PROM1: variants seen among roughly 807,000 people sequenced by gnomAD.
PROM1 encodes prominin-1.
PROM1 carries 105 observed loss-of-function variants against 116.9 expected under a neutral mutation model. The ratio of observed to expected loss-of-function variants is 0.90; its 90% CI spans 0.77 to 1.06. PROM1 has a LOEUF of 1.06. PROM1 is among the 50% of genes least tolerant of loss of function. The probability of loss-of-function intolerance (pLI) is 0.00; values close to 1 mark genes in which losing one functional copy is unlikely to be tolerated. For synonymous variants in PROM1, 393 were observed against 387.0 expected, an observed-to-expected ratio of 1.02 and a Z score of -0.18; for missense variants, 1,122 against 1,045.2, an observed-to-expected ratio of 1.07 and a Z score of -1.01.
Position 16,033,359 on chromosome 4 carries a change from G to T in PROM1, c.454C>A (p.Pro152Thr). Residue 152 changes from proline (P) to threonine (T), a missense_variant, in exon 5 of 28, where the codon CCC (proline) becomes ACC (threonine). By Grantham distance (38) the Pro-to-Thr change is conservative (BLOSUM62 -1). Transcript: ENST00000447510. Reference sequence around the variant, plus strand: ...ATTGCAAAGCATTTCCTCAGGAAGGGCCCATTTTCCTTCTGTCGCTGGTGC... The same window carrying T: ...ATTGCAAAGCATTTCCTCAGGAAGGTCCCATTTTCCTTCTGTCGCTGGTGC... Reference protein sequence around the residue: ...EMHQRQKENGPFLRKCFAISL... With the variant: ...EMHQRQKENGTFLRKCFAISL... 6.2e-7 allele frequency: 1 copy of T among 1,613,734 alleles called. No homozygotes were observed. The highest frequency in any genetic ancestry group is 1.6e-4 in the Middle Eastern group (1 of 6,062).
At chr4:16,074,263 A>C (rs1257342209) in intron 2 of PROM1, among the ~76,000 whole-genome samples, 1 of 152,168 alleles carries the variant, frequency 6.6e-6, no homozygotes, top group African/African-American at 2.4e-5. Context: ...GGAGATAGAT[A>C]CACCATTTTA....
At chr4:16,013,466 A>C in intron 10 of PROM1, 128 bp from the exon 11 acceptor site, 2 of 661,196 alleles carry the variant, frequency 3.0e-6, no homozygotes, top group Non-Finnish European at 5.4e-6. Flanking sequence ...TTAAGGGTGA[A>C]ATGATCATTA....
At position 15,980,315 on chromosome 4, in the gene PROM1, A is replaced by C. The variant is rs1402934476; in HGVS notation, c.2489+107T>G. On this transcript the variant is annotated intron_variant, in intron 24 of 27. Coordinates refer to ENST00000447510, the MANE Select transcript of PROM1 (RefSeq NM_006017.3). ...ACCCAACTACTACTAAAAAAAAAAA[A>C]AAAAAGAAATCAACTTTAACCTCAT... 2.0e-4 allele frequency: 174 copies of C among 877,318 alleles called. 1 individual carries two copies. The East Asian group carries it at 4.5e-3, about 23-fold the overall frequency. The allele number at this position is 877,318 out of a possible 1,614,324, so 54.3% of individuals were successfully genotyped here. A position where few individuals can be genotyped will look rare whatever the true frequency, so the allele number is the denominator to read the frequency against.
intron 2 of PROM1, among the ~76,000 whole-genome samples, chr4:16,043,222 C>A (rs1735746587): frequency 6.6e-6 from 1 of 152,184 alleles, no homozygotes; most frequent in South Asian, 2.1e-4. Context: ...TCCACCCAAC[C>A]CCTATAACTT....
At chr4:16,077,313 C>T (rs1325086694) in intron 1 of PROM1, among the ~76,000 whole-genome samples, 1 of 152,180 alleles carries the variant, frequency 6.6e-6, no homozygotes, top group African/African-American at 2.4e-5. Context: ...TATGGGTATG[C>T]ATATCTAAAG....
At chr4:16,012,598 C>CG (rs1293188206) in intron 11 of PROM1, among the ~76,000 whole-genome samples, 3 of 152,028 alleles carry the variant, frequency 2.0e-5, no homozygotes, top group African/African-American at 7.2e-5. Flanking sequence ...TGGCCAGGCA[C>CG]GGTGGCTCAC....
rs542320990 is a variant in PROM1, at chr4:16,049,100, A to T, written c.221-10099T>A. 2.0e-5 allele frequency among the ~76,000 whole-genome samples: 3 copies of T among 152,298 alleles called. No individual in the cohort carries two copies. In the South Asian group the frequency reaches 6.2e-4, roughly 32 times the overall value. On this transcript the variant is annotated intron_variant, in intron 2 of 27. Coordinates refer to ENST00000447510, the MANE Select transcript of PROM1 (RefSeq NM_006017.3). ...GCTGCCGCCCCTGGAGAATCCAGAG[A>T]GTGGGGGTTAAGGACCACTGCCAAA...
At chr4:15,998,917 A>G (rs2149173642) in intron 14 of PROM1, among the ~76,000 whole-genome samples, 1 of 152,140 alleles carries the variant, frequency 6.6e-6, no homozygotes. Flanking sequence ...TCTAGTAGAA[A>G]CAGCATTTCA....
At chr4:16,005,612 C>T (rs1725271767) in intron 13 of PROM1, among the ~76,000 whole-genome samples, 2 of 151,826 alleles carry the variant, frequency 1.3e-5, no homozygotes, top group South Asian at 4.2e-4. Flanking sequence ...ATCTGCTCTC[C>T]AGCCCGCTCA....
At chr4:16,025,342 C>A in intron 5 of PROM1, 30 bp from the exon 6 acceptor site, 1 of 1,611,850 alleles carries the variant, frequency 6.2e-7, no homozygotes, top group South Asian at 1.1e-5. Flanking sequence ...GAAGAAAGAG[C>A]ATTTACTGTG....
At chr4:16,070,932 T>C (rs1742665734) in intron 2 of PROM1, among the ~76,000 whole-genome samples, 1 of 152,206 alleles carries the variant, frequency 6.6e-6, no homozygotes, top group Non-Finnish European at 1.5e-5. Context: ...CCTACATCAA[T>C]CGTGGCATCA....
At chr4:16,079,298 T>C (rs1039490198) in intron 1 of PROM1, 4 of 152,134 alleles carry the variant, frequency 2.6e-5, no homozygotes, top group African/African-American at 7.2e-5. Context: ...AAATTCCCAG[T>C]GAAGTGAAAC....
chr4:16,050,742 TAA>T (rs1184120952), intron 2 of PROM1, among the ~76,000 whole-genome samples: 1 of 152,226 alleles, frequency 6.6e-6, no homozygotes, highest in East Asian at 1.9e-4. Context: ...GAAGTTAATA[TAA>T]GTTTATTCTG....
intron 10 of PROM1, among the ~76,000 whole-genome samples, chr4:16,015,330 C>T (rs71603306): frequency 0.046 from 4,589 of 98,824 alleles, 119 homozygotes; most frequent in Middle Eastern, 0.065. Flanking sequence ...TGGGCAACAG[C>T]GCAAGACTCC....
In PROM1 at chr4:16,006,571, C is replaced by G. The variant is rs1181441390; in HGVS notation, c.1421G>C (p.Cys474Ser). 1 of 1,601,280 alleles carries G rather than the reference C, an allele frequency of 6.2e-7. No individual in the cohort carries two copies. Among genetic ancestry groups the G allele is most frequent in the Non-Finnish European group, 8.5e-7 (1 of 1,174,376 alleles). The change falls in exon 13 of 28, where the codon TGT becomes TCT. Residue 474 changes from cysteine (C) to serine (S), a missense_variant. Coordinates refer to ENST00000447510, the MANE Select transcript of PROM1 (RefSeq NM_006017.3). ...GAAGACGCCTCCGGTGTTGGAGACACAGCCTCGGGTGGTCGGGGTGGCATG... is the reference window on the plus strand; with the variant it reads ...GAAGACGCCTCCGGTGTTGGAGACAGAGCCTCGGGTGGTCGGGGTGGCATG... ...DRHATPTTRG[C>S]VSNTGGVFLM...
At chr4:16,079,021 G>C (rs1398810958) in intron 1 of PROM1, among the ~76,000 whole-genome samples, 2 of 152,016 alleles carry the variant, frequency 1.3e-5, no homozygotes, top group African/African-American at 2.4e-5. Context: ...CTTGACCCTG[G>C]TGTTTCCAAA....
intron 1 of PROM1, 65 bp from the exon 2 acceptor site, chr4:16,076,183 C>T (rs1743914637): frequency 4.1e-6 from 2 of 488,174 alleles, no homozygotes; most frequent in Admixed American, 3.7e-5. Context: ...CTGGAGCTGC[C>T]CGGAGAGGAC....
intron 13 of PROM1, among the ~76,000 whole-genome samples, chr4:16,001,378 C>T (rs765449169): frequency 1.3e-5 from 2 of 152,014 alleles, no homozygotes; most frequent in Admixed American, 6.6e-5. Flanking sequence ...ATCTGGGTTT[C>T]GGATGTACCT....
chr4:16,063,388 G>T (rs925306244), intron 2 of PROM1, among the ~76,000 whole-genome samples: 1 of 152,176 alleles, frequency 6.6e-6, no homozygotes, highest in Admixed American at 6.5e-5. Flanking sequence ...TTGAGGTCAG[G>T]AGTTCGAGAC....
Sources: gnomAD v4.1 joint callset for allele counts (sites outside exome capture counted in the v4.1 genomes callset) on GRCh38, gnomAD v4.1.1 for gene constraint, MANE v1.5 for transcripts, NCBI Gene and HGNC (gene_info 2026-07-23, HGNC 2026-07-21) for gene names.